The following KHDRBS2 variants were observed in gnomAD, a reference collection of about 807,000 sequenced individuals.
KHDRBS2 encodes the protein KH RNA binding domain containing, signal transduction associated 2.
A neutral mutation model predicts 44.3 loss-of-function variants in KHDRBS2; 26 were observed. The ratio of observed to expected loss-of-function variants is 0.59; its 90% CI spans 0.43 to 0.81. KHDRBS2 has a LOEUF of 0.81. KHDRBS2 is among the 40% of genes least tolerant of loss of function. KHDRBS2 has a pLI of 0.00. For missense variants in KHDRBS2, 476 were observed against 433.1 expected (o/e 1.10, Z -0.88); for synonymous variants, 194 against 151.1 (o/e 1.28, Z -2.08).
At chr6:61,663,500 C>CATATATATATATATATATAT in the KHDRBS2 span, among the ~76,000 whole-genome samples, 2,202 of 35,870 alleles carry the variant, frequency 0.061, 621 homozygotes, top group East Asian at 0.16. Context: ...CATGAGACAC[C>CATATATATATATATATATAT]ATATATATAT....
intron 4 of KHDRBS2, among the ~76,000 whole-genome samples, chr6:61,953,498 T>C (rs1367905448): frequency 6.6e-6 from 1 of 152,086 alleles, no homozygotes; most frequent in Non-Finnish European, 1.5e-5. Context: ...GGAAAATCGC[T>C]ATATTTTTTT....
At chr6:62,127,751 T>C (rs1266695894) in intron 2 of KHDRBS2, among the ~76,000 whole-genome samples, 1 of 152,212 alleles carries the variant, frequency 6.6e-6, no homozygotes, top group South Asian at 2.1e-4. Flanking sequence ...AAGAAGGCTA[T>C]ATTTGTCTTT....
At chr6:62,215,142 A>C (rs1158978340) in intron 1 of KHDRBS2, among the ~76,000 whole-genome samples, 1 of 151,972 alleles carries the variant, frequency 6.6e-6, no homozygotes, top group Non-Finnish European at 1.5e-5. Context: ...AAGCAGCAGA[A>C]AGACAAAAAT....
intron 6 of KHDRBS2, among the ~76,000 whole-genome samples, chr6:61,864,770 C>T (rs1192622371): frequency 6.6e-6 from 1 of 152,126 alleles, no homozygotes; most frequent in African/African-American, 2.4e-5. Context: ...GAGTATCCTA[C>T]TGGGGTTCTC....
intron 6 of KHDRBS2, chr6:61,816,569 C>A (rs1169099398): frequency 2.3e-6 from 1 of 441,942 alleles, no homozygotes; most frequent in Non-Finnish European, 4.6e-6. Context: ...CTTCTAGCCT[C>A]CAGAACTATG....
chr6:61,807,354 T>C lies in KHDRBS2; in HGVS notation c.811-74590A>G, dbSNP rs1160735383. 2.6e-5 allele frequency among the ~76,000 whole-genome samples: 4 copies of C among 152,108 alleles called. No individual in the cohort carries two copies. The South Asian group carries it at 8.3e-4, about 31-fold the overall frequency. ...CAAAGGAATATAAATCATTATACCATAAAGACGTATGCACAGGTATGTTCA... is the reference window on the plus strand; with the variant it reads ...CAAAGGAATATAAATCATTATACCACAAAGACGTATGCACAGGTATGTTCA... On this transcript the variant is annotated intron_variant, in intron 6 of 8. Coordinates refer to ENST00000281156, the MANE Select transcript of KHDRBS2 (RefSeq NM_152688.4).
downstream of KHDRBS2, chr6:61,678,810 C>T (rs1403420579): frequency 6.6e-6 from 1 of 151,884 alleles, no homozygotes; most frequent in East Asian, 1.9e-4. Flanking sequence ...TTTAGCTCAT[C>T]ACTATAGCTT....
chr6:62,034,201 T>C (rs1784843211), intron 3 of KHDRBS2, among the ~76,000 whole-genome samples: 1 of 151,544 alleles, frequency 6.6e-6, no homozygotes, highest in South Asian at 2.1e-4. Flanking sequence ...ATTAAATAAA[T>C]AAAAAAGACC....
intron 1 of KHDRBS2, among the ~76,000 whole-genome samples, chr6:62,178,701 T>A (rs562622081): frequency 6.6e-6 from 1 of 151,704 alleles, no homozygotes; most frequent in Non-Finnish European, 1.5e-5. Flanking sequence ...AAATTCATTT[T>A]AAAAATTACC....
the KHDRBS2 span, among the ~76,000 whole-genome samples, chr6:61,594,121 T>A: frequency 2.3e-4 from 35 of 152,182 alleles, no homozygotes; most frequent in East Asian, 5.4e-3. Context: ...GTGAAAAAGG[T>A]AAACATTTCA....
the KHDRBS2 span, among the ~76,000 whole-genome samples, chr6:61,606,111 T>G: frequency 6.6e-6 from 1 of 152,124 alleles, no homozygotes; most frequent in Non-Finnish European, 1.5e-5. Flanking sequence ...CCCCTTTGAC[T>G]GTAATTTTCC....
At chr6:61,696,610 T>A (rs1767942080) in intron 8 of KHDRBS2, among the ~76,000 whole-genome samples, 1 of 152,088 alleles carries the variant, frequency 6.6e-6, no homozygotes, top group African/African-American at 2.4e-5. Context: ...TGTACTGTAT[T>A]GATATATCAT....
chr6:62,166,163 T>C (rs901363516), intron 2 of KHDRBS2, among the ~76,000 whole-genome samples: 6 of 152,056 alleles, frequency 3.9e-5, no homozygotes, highest in Non-Finnish European at 5.9e-5. Flanking sequence ...TTCTAATAAT[T>C]ATAAGGCTGA....
chr6:62,124,347 A>G (rs1181720490), intron 2 of KHDRBS2, among the ~76,000 whole-genome samples: 1 of 152,186 alleles, frequency 6.6e-6, no homozygotes, highest in Admixed American at 6.5e-5. Context: ...TGAGATGGAT[A>G]TATGGTCCTT....
chr6:61,782,758 T>C (rs1783203602), intron 6 of KHDRBS2, among the ~76,000 whole-genome samples: 1 of 146,940 alleles, frequency 6.8e-6, no homozygotes, highest in Admixed American at 6.9e-5. Flanking sequence ...CATATACATA[T>C]ACATATACAT....
chr6:61,978,600 C>T (rs556275537), intron 3 of KHDRBS2, among the ~76,000 whole-genome samples: 1 of 152,144 alleles, frequency 6.6e-6, no homozygotes, highest in South Asian at 2.1e-4. Context: ...GAAAGATTAT[C>T]ACTGTGTTCT....
At chr6:62,212,472 C>A (rs1394649734) in intron 1 of KHDRBS2, among the ~76,000 whole-genome samples, 1 of 151,642 alleles carries the variant, frequency 6.6e-6, no homozygotes, top group Non-Finnish European at 1.5e-5. Context: ...AAGTTCTAAC[C>A]CTCTAAGTAC....
chr6:62,068,170 C>T (rs1367699543), intron 2 of KHDRBS2, among the ~76,000 whole-genome samples: 1 of 151,304 alleles, frequency 6.6e-6, no homozygotes, highest in Non-Finnish European at 1.5e-5. Context: ...GCATGTGGGA[C>T]TGTTTTTCCA....
At chr6:62,009,702 G>T (rs1006156526) in intron 3 of KHDRBS2, among the ~76,000 whole-genome samples, 35 of 152,178 alleles carry the variant, frequency 2.3e-4, no homozygotes, top group Non-Finnish European at 3.8e-4. Context: ...TGGCTGAAAG[G>T]GGTCAAAGTA....
Sources: allele counts gnomAD v4.1 joint callset (sites outside exome capture counted in the v4.1 genomes callset), GRCh38; gene constraint gnomAD v4.1.1; transcripts MANE v1.5; gene names NCBI Gene and HGNC (gene_info 2026-07-23, HGNC 2026-07-21).